The following SLCO6A1 variants were observed in gnomAD, a reference collection of about 807,000 sequenced individuals.
SLCO6A1 encodes cancer/testis antigen 48.
SLCO6A1 carries 65 observed loss-of-function variants against 72.7 expected under a neutral mutation model. The observed-to-expected ratio is 0.89, with a 90% CI of 0.73 to 1.10. The LOEUF (loss-of-function observed/expected upper bound fraction) is 1.10, where lower values mean the gene tolerates loss of function less well. Among genes scored for constraint, SLCO6A1 ranks in the 50% least tolerant of loss-of-function variants. The pLI is 0.00. For missense variants in SLCO6A1, 874 were observed against 872.6 expected, an observed-to-expected ratio of 1.00 and a Z score of -0.02; for synonymous variants, 314 against 298.2, an observed-to-expected ratio of 1.05 and a Z score of -0.55.
chr5:102,459,750 T>A lies in SLCO6A1; in HGVS notation c.927A>T (p.Glu309Asp), dbSNP rs1750926895. 1 of 1,607,276 alleles carries A rather than the reference T, an allele frequency of 6.2e-7. No homozygotes were observed. Among genetic ancestry groups the A allele is most frequent in the African/African-American group, 1.3e-5 (1 of 74,430 alleles). The change falls in exon 5 of 14, where the codon GAA becomes GAT. Residue 309 changes from glutamate to aspartate, a missense_variant. By Grantham distance (45) the Glu-to-Asp change is conservative (BLOSUM62 2). Transcript: ENST00000506729. The part of the protein sequence containing the change: ...TNTTVNNGSP[E>D]WLWTWWINFL... Reference sequence around the variant, plus strand: ...AATTAATCCACCAAGTCCATAGCCATTCTGGACTACCATTATTGACTGTAG... The same window carrying A: ...AATTAATCCACCAAGTCCATAGCCAATCTGGACTACCATTATTGACTGTAG...
chr5:102,480,457 G>T (rs763836282), intron 1 of SLCO6A1, 23 bp from the exon 2 acceptor site: 12 of 1,585,438 alleles, frequency 7.6e-6, no homozygotes, highest in Non-Finnish European at 1.0e-5. Flanking sequence ...AAGAAAAAGA[G>T]AAAACAACGA....
chr5:102,443,159 TGCACTC>T, intron 6 of SLCO6A1, among the ~76,000 whole-genome samples: 1 of 152,144 alleles, frequency 6.6e-6, no homozygotes, highest in Middle Eastern at 3.4e-3. Flanking sequence ...ATGGCACCAC[TGCACTC>T]CAAGCCTGGA....
chr5:102,414,984 A>G (rs1325567411), intron 8 of SLCO6A1, among the ~76,000 whole-genome samples: 1 of 151,974 alleles, frequency 6.6e-6, no homozygotes, highest in Non-Finnish European at 1.5e-5. Flanking sequence ...CAAAAAGTAA[A>G]ATACCTAGGA....
intron 1 of SLCO6A1, among the ~76,000 whole-genome samples, chr5:102,481,576 T>C (rs181471096): frequency 1.3e-3 from 200 of 152,280 alleles, no homozygotes; most frequent in Non-Finnish European, 1.9e-3. Context: ...GAGTGAGTAA[T>C]GGAGTTCATG....
chr5:102,420,919 G>A (rs552104117), intron 7 of SLCO6A1, among the ~76,000 whole-genome samples: 21 of 152,206 alleles, frequency 1.4e-4, no homozygotes, highest in Admixed American at 5.9e-4. Flanking sequence ...TGAGGTACCC[G>A]GTTCATCTCA....
chr5:102,456,696 C>T (rs897983772), intron 6 of SLCO6A1, among the ~76,000 whole-genome samples: 1 of 152,116 alleles, frequency 6.6e-6, no homozygotes, highest in African/African-American at 2.4e-5. Context: ...TTTATAGATT[C>T]AATGCCATTC....
chr5:102,433,555 T>G (rs1018502398), intron 7 of SLCO6A1, among the ~76,000 whole-genome samples: 2 of 152,200 alleles, frequency 1.3e-5, no homozygotes, highest in Non-Finnish European at 2.9e-5. Flanking sequence ...ACTCCTGGAC[T>G]GTGTGGCCTA....
chr5:102,449,514 G>T (rs1244752058), intron 6 of SLCO6A1, among the ~76,000 whole-genome samples: 1 of 151,914 alleles, frequency 6.6e-6, no homozygotes, highest in East Asian at 1.9e-4. Flanking sequence ...AGCCTCCCAA[G>T]TAGCTGAGAC....
chr5:102,417,601 A>G (rs1580386994), intron 8 of SLCO6A1, among the ~76,000 whole-genome samples: 1 of 152,318 alleles, frequency 6.6e-6, no homozygotes. Context: ...AACCCATATT[A>G]CATATTTTTC....
At chr5:102,394,818 T>C (rs1240119923) in intron 10 of SLCO6A1, among the ~76,000 whole-genome samples, 1 of 152,006 alleles carries the variant, frequency 6.6e-6, no homozygotes, top group Non-Finnish European at 1.5e-5. Flanking sequence ...ACTGAAAGTA[T>C]AAAAAAGACA....
At chr5:102,386,014 G>A (rs535580207) in intron 12 of SLCO6A1, among the ~76,000 whole-genome samples, 28 of 152,158 alleles carry the variant, frequency 1.8e-4, no homozygotes, top group African/African-American at 6.0e-4. Flanking sequence ...GTGTTTTATT[G>A]CGTTGCTTTG....
chr5:102,458,147 T>G (rs1750833368), intron 6 of SLCO6A1, among the ~76,000 whole-genome samples: 1 of 152,024 alleles, frequency 6.6e-6, no homozygotes, highest in South Asian at 2.1e-4. Flanking sequence ...ATATACCTAA[T>G]GTTAAATAAT....
At chr5:102,403,916 A>G (rs1228339746) in intron 9 of SLCO6A1, among the ~76,000 whole-genome samples, 3 of 151,412 alleles carry the variant, frequency 2.0e-5, no homozygotes, top group Non-Finnish European at 4.4e-5. Context: ...CTTTTTACCT[A>G]TTTTTCTACT....
At chr5:102,413,220 G>T in intron 8 of SLCO6A1, 77 bp from the exon 9 acceptor site, 1 of 1,355,746 alleles carries the variant, frequency 7.4e-7, no homozygotes, top group Non-Finnish European at 1.0e-6. Context: ...ATATCAGTGA[G>T]ATCCATAAAA....
At chr5:102,409,180 C>T (rs1375610423) in intron 9 of SLCO6A1, among the ~76,000 whole-genome samples, 1 of 152,098 alleles carries the variant, frequency 6.6e-6, no homozygotes, top group Non-Finnish European at 1.5e-5. Context: ...TCAATATCAA[C>T]AGCAGATATC....
chr5:102,413,134 C>A lies in SLCO6A1; in HGVS notation c.1482G>T (p.Lys494Asn), dbSNP rs985337381. 3 of 1,558,694 alleles carry A rather than the reference C, an allele frequency of 1.9e-6. No individual in the cohort carries two copies. Among genetic ancestry groups the A allele is most frequent in the Non-Finnish European group, 2.6e-6 (3 of 1,161,258 alleles). The stretch of plus-strand genomic sequence containing the variant: ...TGCAAGGAGCCGTGAGGTTTCCCAA[C>A]TTCCCTGTTCTGTAAAAACAAGATT... ...GINEDYDGTG[K>N]LGNLTAPCNE... The change falls in exon 9 of 14, where the codon AAG becomes AAT. Residue 494 changes from lysine (K) to asparagine (N), a missense_variant. Physicochemically the swap from Lys to Asn is moderately conservative, Grantham distance 94. Coordinates refer to ENST00000506729, the MANE Select transcript of SLCO6A1 (RefSeq NM_173488.5).
chr5:102,431,282 T>C (rs996022973), intron 7 of SLCO6A1, among the ~76,000 whole-genome samples: 3 of 152,160 alleles, frequency 2.0e-5, no homozygotes, highest in African/African-American at 7.2e-5. Context: ...TTTGGTTATT[T>C]CTTTTCCTCC....
At chr5:102,498,381 G>T in intron 1 of SLCO6A1, 106 bp downstream of exon 1, 2 of 1,087,280 alleles carry the variant, frequency 1.8e-6, no homozygotes, top group Non-Finnish European at 2.6e-6. Flanking sequence ...CCACCCCAGG[G>T]CATGCTGGGC....
chr5:102,498,853 C>G lies in SLCO6A1; in HGVS notation c.-9G>C. ...GCGACGCCTACGAACATGGCTCACCCTGGGCGGCTCCTGGCGACGCGGCCC... is the reference window on the plus strand; with the variant it reads ...GCGACGCCTACGAACATGGCTCACCGTGGGCGGCTCCTGGCGACGCGGCCC... On this transcript the variant is annotated 5_prime_UTR_variant, in exon 1 of 14. Coordinates refer to ENST00000506729, the MANE Select transcript of SLCO6A1 (RefSeq NM_173488.5). 2.5e-6 allele frequency: 4 copies of G among 1,595,238 alleles called. No individual in the cohort carries two copies. Among genetic ancestry groups the G allele is most frequent in the Non-Finnish European group, 3.4e-6 (4 of 1,171,562 alleles).
Sources: gnomAD v4.1 joint callset for allele counts (sites outside exome capture counted in the v4.1 genomes callset) on GRCh38, gnomAD v4.1.1 for gene constraint, MANE v1.5 for transcripts, NCBI Gene and HGNC (gene_info 2026-07-23, HGNC 2026-07-21) for gene names.